PKNOX1: variants seen among roughly 807,000 people sequenced by gnomAD.
The protein encoded by PKNOX1 is homeobox protein PKNOX1.
In PKNOX1, 15 loss-of-function variants were observed where a neutral mutation model predicts 51.9. The observed-to-expected ratio is 0.29, with a 90% CI of 0.19 to 0.45. The LOEUF (loss-of-function observed/expected upper bound fraction) is 0.45, where lower values mean the gene tolerates loss of function less well. Ranked by LOEUF, PKNOX1 falls within the 20% of genes least tolerant of loss-of-function variation. PKNOX1 has a pLI of 1.00. For synonymous variants in PKNOX1, 219 were observed against 211.1 expected, an observed-to-expected ratio of 1.04 and a Z score of -0.32; for missense variants, 462 against 547.5, an observed-to-expected ratio of 0.84 and a Z score of 1.56.
At chr21:42,983,784 A>G (rs1169804143) in intron 1 of PKNOX1, among the ~76,000 whole-genome samples, 2 of 152,180 alleles carry the variant, frequency 1.3e-5, no homozygotes, top group Non-Finnish European at 1.5e-5. Context: ...CAAGGACTCA[A>G]TAAGGAGAGA....
chr21:43,007,653 AGG>A (rs1568897272), intron 3 of PKNOX1, 35 bp downstream of exon 3: 1 of 1,612,254 alleles, frequency 6.2e-7, no homozygotes, highest in East Asian at 2.2e-5. Flanking sequence ...GGGGCCTCAG[AGG>A]AGTGAGGAGT....
At chr21:43,029,806 C>A in intron 10 of PKNOX1, 84 bp from the exon 11 acceptor site, 2 of 1,163,298 alleles carry the variant, frequency 1.7e-6, no homozygotes, top group Non-Finnish European at 2.5e-6. Context: ...TTAGGTCAAA[C>A]GAGCAAACAG....
At chr21:42,982,482 C>T (rs1004355778) in intron 1 of PKNOX1, among the ~76,000 whole-genome samples, 2 of 152,234 alleles carry the variant, frequency 1.3e-5, no homozygotes, top group East Asian at 1.9e-4. Flanking sequence ...GTAATCCCAG[C>T]ACTTTGGGAG....
intron 1 of PKNOX1, among the ~76,000 whole-genome samples, chr21:42,994,833 A>G (rs1978419663): frequency 6.6e-6 from 1 of 151,836 alleles, no homozygotes; most frequent in Non-Finnish European, 1.5e-5. Context: ...AATTTCCTTA[A>G]GTTGTCTTTT....
At position 43,018,158 on chromosome 21, in the gene PKNOX1, G is replaced by C; in HGVS notation, c.648G>C (p.Thr216=). Residue 216 remains threonine, a synonymous_variant, in exon 7 of 11, where the codon ACG becomes ACC. Transcript: ENST00000291547. ...VAGGTVYQPV[T]VVTPQGQVVT... ...GTGGCACAGTGTATCAGCCTGTCAC[G>C]GTCGTCACTCCCCAAGGCCAAGTGG... is the stretch of plus-strand genomic sequence containing the variant. 1.2e-6 allele frequency: 2 copies of C among 1,612,418 alleles called. No homozygotes were observed. The highest frequency in any genetic ancestry group is 1.1e-5 in the South Asian group (1 of 91,034).
intron 1 of PKNOX1, among the ~76,000 whole-genome samples, chr21:42,994,918 C>CTT (rs11361350): frequency 0.1 from 11,735 of 113,422 alleles, 823 homozygotes; most frequent in Non-Finnish European, 0.12. Context: ...TTTCTTTCTT[C>CTT]TTTTTTTTTT....
chr21:43,018,480 A>T lies in PKNOX1; in HGVS notation c.720+250A>T, dbSNP rs1297586220. 5.6e-3 allele frequency among the ~76,000 whole-genome samples: 23 copies of T among 4,094 alleles called. 10 individuals carry two copies. The highest frequency in any genetic ancestry group is 0.011 in the Non-Finnish European group (19 of 1,724). The allele number at this position is 4,094 out of a possible 152,430, so 2.7% of individuals were successfully genotyped here. On this transcript the variant is annotated intron_variant, in intron 7 of 10. Transcript: ENST00000291547. ...CATAACCACCCCCTGCCACCCACACACACACACACACACACACACACACAC... is the reference window on the plus strand; with the variant it reads ...CATAACCACCCCCTGCCACCCACACTCACACACACACACACACACACACAC...
chr21:43,024,739 G>A (rs933922673), intron 8 of PKNOX1, 132 bp from the exon 9 acceptor site: 18 of 633,168 alleles, frequency 2.8e-5, no homozygotes, highest in Admixed American at 7.9e-5. Context: ...ACTACAGTTA[G>A]GTTTTGGCTA....
chr21:42,996,971 C>T (rs1480464345), intron 1 of PKNOX1, among the ~76,000 whole-genome samples: 1 of 151,766 alleles, frequency 6.6e-6, no homozygotes, highest in Admixed American at 6.6e-5. Context: ...ACCTTTGCCT[C>T]CCAGGTTCAA....
At chr21:43,015,897 T>C (rs1979469451) in intron 5 of PKNOX1, among the ~76,000 whole-genome samples, 1 of 152,172 alleles carries the variant, frequency 6.6e-6, no homozygotes, top group South Asian at 2.1e-4. Context: ...TTTTTGGTTG[T>C]TTTTCTGTTT....
intron 1 of PKNOX1, among the ~76,000 whole-genome samples, chr21:42,991,867 T>C (rs2059089565): frequency 6.6e-6 from 1 of 152,202 alleles, no homozygotes; most frequent in South Asian, 2.1e-4. Flanking sequence ...CATTTTAACT[T>C]ATTTATTTAT....
At position 43,013,107 on chromosome 21, in the gene PKNOX1, G is replaced by C; in HGVS notation, c.391G>C (p.Glu131Gln). ...AIQVLRIHLL[E>Q]LEKVNELCKD... ...CCAGGTTTTGCGCATTCATCTTCTT[G>C]AGCTGGAAAAGGTTAACGAACTCTG... The change falls in exon 5 of 11, where the codon GAG becomes CAG. Residue 131 changes from glutamate to glutamine, a missense_variant. This residue lies in a region of PKNOX1 where 14 missense variants were observed against 39.3 expected (regional missense o/e 0.36). Transcript: ENST00000291547. 1 of 1,612,704 alleles carries C rather than the reference G, an allele frequency of 6.2e-7. No homozygotes were observed. Among genetic ancestry groups the C allele is most frequent in the East Asian group, 2.2e-5 (1 of 44,836 alleles).
chr21:43,008,622 T>C lies in PKNOX1; in HGVS notation c.179+1004T>C, dbSNP rs141194813. 6.3e-4 allele frequency among the ~76,000 whole-genome samples: 95 copies of C among 151,896 alleles called. No homozygotes were observed. The East Asian group carries it at 0.014, about 23-fold the overall frequency. ...GCGAAACCCTGTCTCTACCAAAAAA[T>C]ACAAATATTAGCCGGGTGTGGTGGT... is the stretch of plus-strand genomic sequence containing the variant. On this transcript the variant is annotated intron_variant, in intron 3 of 10. Coordinates refer to ENST00000291547, the MANE Select transcript of PKNOX1 (RefSeq NM_004571.5).
rs537657020 is a variant in PKNOX1, at chr21:43,028,990, C to T, written c.1099+116C>T. ...TCAGGTAATGTGGTGAACGAGAGTG[C>T]GTGGTTCTCTTTCTCTGCAACTAAA... On this transcript the variant is annotated intron_variant, in intron 10 of 10. Coordinates refer to ENST00000291547, the MANE Select transcript of PKNOX1 (RefSeq NM_004571.5). The T allele has an allele frequency of 2.2e-5, 21 of 966,038 alleles. No individual in the cohort carries two copies. In the East Asian group the frequency reaches 3.5e-4, roughly 16 times the overall value. The allele number at this position is 966,038 out of a possible 1,614,324, so 59.8% of individuals were successfully genotyped here.
chr21:42,976,032 G>A (rs775717985), intron 1 of PKNOX1, among the ~76,000 whole-genome samples: 2 of 152,188 alleles, frequency 1.3e-5, no homozygotes, highest in Non-Finnish European at 2.9e-5. Flanking sequence ...ACCCCAATGA[G>A]CCTTTCATCA....
chr21:43,017,840 A>G (rs1184438884), intron 6 of PKNOX1: 2 of 257,118 alleles, frequency 7.8e-6, no homozygotes, highest in Non-Finnish European at 1.5e-5. Flanking sequence ...TGACAAGTCA[A>G]CTGGCAAAGG....
intron 1 of PKNOX1, among the ~76,000 whole-genome samples, chr21:42,990,146 C>G (rs985353397): frequency 1.1e-4 from 17 of 151,822 alleles, no homozygotes; most frequent in African/African-American, 4.1e-4. Flanking sequence ...CCTGTAATCC[C>G]AGCTACTCGG....
At chr21:42,991,684 A>C (rs370233490) in intron 1 of PKNOX1, among the ~76,000 whole-genome samples, 145 of 152,198 alleles carry the variant, frequency 9.5e-4, no homozygotes, top group African/African-American at 3.2e-3. Flanking sequence ...CGGTGAGCCA[A>C]GATCGTGCCA....
chr21:42,978,476 C>CT (rs2059009174), intron 1 of PKNOX1, among the ~76,000 whole-genome samples: 1 of 95,674 alleles, frequency 1.0e-5, no homozygotes, highest in South Asian at 3.0e-4. Flanking sequence ...TTGTTTTTTT[C>CT]TTTTCTTTTC....
Sources: allele counts gnomAD v4.1 joint callset (sites outside exome capture counted in the v4.1 genomes callset), GRCh38; gene constraint gnomAD v4.1.1; regional missense constraint gnomAD v4.1.1; transcripts MANE v1.5; gene names NCBI Gene and HGNC (gene_info 2026-07-23, HGNC 2026-07-21).